PDGFC: variants seen among roughly 807,000 people sequenced by gnomAD.
PDGFC encodes the protein platelet-derived growth factor C.
A neutral mutation model predicts 35.5 loss-of-function variants in PDGFC; 12 were observed. The ratio of observed to expected loss-of-function variants is 0.34; its 90% CI spans 0.22 to 0.55. The LOEUF is 0.55. Ranked by LOEUF, PDGFC falls within the 20% of genes least tolerant of loss-of-function variation. The probability of loss-of-function intolerance (pLI) is 0.91; values close to 1 mark genes in which losing one functional copy is unlikely to be tolerated. For synonymous variants in PDGFC, 159 were observed against 148.8 expected, an observed-to-expected ratio of 1.07 and a Z score of -0.50; for missense variants, 322 against 412.4, an observed-to-expected ratio of 0.78 and a Z score of 1.90.
intron 2 of PDGFC, among the ~76,000 whole-genome samples, chr4:156,825,262 T>C (rs1732410596): frequency 6.6e-6 from 1 of 151,738 alleles, no homozygotes; most frequent in South Asian, 2.1e-4. Context: ...GGCATAAAAA[T>C]TTAAGGCCAG....
chr4:156,966,831 T>C (rs1244509352), intron 1 of PDGFC, among the ~76,000 whole-genome samples: 1 of 152,178 alleles, frequency 6.6e-6, no homozygotes, highest in Non-Finnish European at 1.5e-5. Flanking sequence ...TCTAAACACC[T>C]TTCAGTGGTA....
At chr4:156,945,373 AT>A (rs1731920398) in intron 1 of PDGFC, among the ~76,000 whole-genome samples, 1 of 121,042 alleles carries the variant, frequency 8.3e-6, no homozygotes, top group African/African-American at 3.3e-5. Flanking sequence ...ATATATATAT[AT>A]ATATATATAT....
At chr4:156,893,232 C>A (rs1284336482) in intron 1 of PDGFC, among the ~76,000 whole-genome samples, 3 of 152,094 alleles carry the variant, frequency 2.0e-5, no homozygotes, top group Non-Finnish European at 4.4e-5. Flanking sequence ...AAGAGCTATT[C>A]TCTTTATTAC....
intron 2 of PDGFC, among the ~76,000 whole-genome samples, chr4:156,835,479 A>C (rs979592254): frequency 1.3e-5 from 2 of 151,016 alleles, no homozygotes; most frequent in Admixed American, 1.3e-4. Context: ...GGATGAAGGC[A>C]AAAAAAAATG....
chr4:156,948,884 C>T (rs560837402), intron 1 of PDGFC, among the ~76,000 whole-genome samples: 3 of 151,814 alleles, frequency 2.0e-5, no homozygotes, highest in Non-Finnish European at 4.4e-5. Flanking sequence ...TTGATCATTG[C>T]CCCGTATCCC....
intron 1 of PDGFC, among the ~76,000 whole-genome samples, chr4:156,894,231 T>C (rs1315760185): frequency 1.3e-5 from 2 of 152,222 alleles, no homozygotes; most frequent in African/African-American, 4.8e-5. Flanking sequence ...ATCTTGACTT[T>C]TTACTGGACA....
chr4:156,892,715 A>C (rs1399899276), intron 1 of PDGFC, among the ~76,000 whole-genome samples: 1 of 152,210 alleles, frequency 6.6e-6, no homozygotes, highest in Non-Finnish European at 1.5e-5. Context: ...ATTCAGGCAA[A>C]GGATTTTGGT....
chr4:156,893,662 T>C (rs1444773073), intron 1 of PDGFC, among the ~76,000 whole-genome samples: 2 of 149,714 alleles, frequency 1.3e-5, no homozygotes, highest in East Asian at 3.9e-4. Flanking sequence ...AAATCACTCA[T>C]TACCATCAAA....
intron 1 of PDGFC, among the ~76,000 whole-genome samples, chr4:156,880,548 C>T (rs1356351720): frequency 6.6e-6 from 1 of 152,142 alleles, no homozygotes; most frequent in East Asian, 1.9e-4. Flanking sequence ...TTCATGCCTG[C>T]TAACACAACA....
intron 3 of PDGFC, among the ~76,000 whole-genome samples, chr4:156,780,964 T>G (rs2110846174): frequency 6.6e-6 from 1 of 152,286 alleles, no homozygotes; most frequent in Non-Finnish European, 1.5e-5. Context: ...TGGTTCCTCC[T>G]TATCACCTTC....
intron 1 of PDGFC, among the ~76,000 whole-genome samples, chr4:156,874,969 T>C (rs72683358): frequency 0.049 from 7,530 of 152,194 alleles, 205 homozygotes; most frequent in Middle Eastern, 0.085. Flanking sequence ...GTGCCCACTC[T>C]GGCCTCCCAA....
chr4:156,965,308 C>T (rs556206100), intron 1 of PDGFC, among the ~76,000 whole-genome samples: 3 of 152,242 alleles, frequency 2.0e-5, no homozygotes, highest in East Asian at 3.9e-4. Flanking sequence ...GCACACTCTG[C>T]CATACCTGTC....
At chr4:156,786,858 G>A (rs967879775) in intron 3 of PDGFC, among the ~76,000 whole-genome samples, 10 of 152,138 alleles carry the variant, frequency 6.6e-5, no homozygotes, top group African/African-American at 2.4e-4. Context: ...TCAAGGAAAT[G>A]AGTTATATCA....
At chr4:156,815,533 T>G (rs948851677) in intron 2 of PDGFC, among the ~76,000 whole-genome samples, 1 of 152,102 alleles carries the variant, frequency 6.6e-6, no homozygotes, top group Non-Finnish European at 1.5e-5. Flanking sequence ...ACAGCAAAGG[T>G]TGGTTGGCTG....
Position 156,810,754 on chromosome 4 carries a change from G to T in PDGFC, c.495+83C>A, listed in dbSNP as rs376339125. The T allele has an allele frequency of 3.3e-5, 29 of 874,024 alleles. No individual in the cohort carries two copies. In the East Asian group the frequency reaches 3.3e-4, roughly 10 times the overall value. 54.1% of individuals were successfully genotyped at this position (874,024 alleles called of 1,614,324 possible). On this transcript the variant is annotated intron_variant, in intron 3 of 5. Transcript: ENST00000502773. Reference sequence around the variant, plus strand: ...AGGTTTGTTTTCTGATTTTTTTTCTGATTCTCATGTGTAAGAGGAGAAAAA... The same window carrying T: ...AGGTTTGTTTTCTGATTTTTTTTCTTATTCTCATGTGTAAGAGGAGAAAAA...
intron 1 of PDGFC, among the ~76,000 whole-genome samples, chr4:156,903,537 G>A (rs966104124): frequency 6.6e-6 from 1 of 151,966 alleles, no homozygotes; most frequent in Non-Finnish European, 1.5e-5. Flanking sequence ...TAGAAAGAAT[G>A]ATTTAAAATT....
rs367833067 is a variant in PDGFC, at chr4:156,951,746, AC to A, written c.118+19039del. Among the ~76,000 whole-genome samples, 800 of 149,638 alleles carry A rather than the reference AC, an allele frequency of 5.3e-3. 14 individuals are homozygous for A. In the East Asian group the frequency reaches 0.085, roughly 16 times the overall value. On this transcript the variant is annotated intron_variant, in intron 1 of 5. Coordinates refer to ENST00000502773, the MANE Select transcript of PDGFC (RefSeq NM_016205.3). Reference sequence around the variant, plus strand: ...CTACCTTATAGAAAAAAAAAAAAAAACAAAAAACCCTCGTTTTCTTTGAAAG... The same window carrying A: ...CTACCTTATAGAAAAAAAAAAAAAAAAAAAAACCCTCGTTTTCTTTGAAAG...
chr4:156,772,316 T>C (rs920370362), intron 4 of PDGFC, among the ~76,000 whole-genome samples: 1 of 152,144 alleles, frequency 6.6e-6, no homozygotes, highest in Admixed American at 6.6e-5. Context: ...CCTAACCTGG[T>C]TTTGCAGCTA....
intron 2 of PDGFC, among the ~76,000 whole-genome samples, chr4:156,837,812 C>G (rs1729098437): frequency 6.6e-6 from 1 of 152,158 alleles, no homozygotes; most frequent in Non-Finnish European, 1.5e-5. Context: ...TTGAGCCAGA[C>G]AGGAGGTTGG....
Sources: allele counts gnomAD v4.1 joint callset (sites outside exome capture counted in the v4.1 genomes callset), GRCh38; gene constraint gnomAD v4.1.1; transcripts MANE v1.5; gene names NCBI Gene and HGNC (gene_info 2026-07-23, HGNC 2026-07-21).